Variants in TTBK1 observed in about 807,000 individuals in gnomAD.
TTBK1 encodes tau tubulin kinase 1.
TTBK1 carries 34 observed loss-of-function variants against 108.5 expected under a neutral mutation model. The ratio of observed to expected loss-of-function variants is 0.31; its 90% confidence interval spans 0.24 to 0.42. The LOEUF (loss-of-function observed/expected upper bound fraction) is 0.42. TTBK1 is among the 10% of genes least tolerant of loss of function. The probability of loss-of-function intolerance (pLI) is 1.00; values close to 1 mark genes in which losing one functional copy is unlikely to be tolerated. For synonymous variants in TTBK1, 809 were observed against 795.1 expected (o/e 1.02, Z -0.29); for missense variants, 1,539 against 1,826.0 (o/e 0.84, Z 2.86).
At chr6:43,252,687 A>T in intron 2 of TTBK1, 52 bp from the exon 3 acceptor site, 1 of 1,596,670 alleles carries the variant, frequency 6.3e-7, no homozygotes, top group African/African-American at 1.3e-5. Flanking sequence ...AGGTGGGATG[A>T]GGAGCTGTTC....
Position 43,285,230 on chromosome 6 carries a change from C to T in TTBK1, c.3820C>T (p.Arg1274Trp), listed in dbSNP as rs946486354. 5.4e-5 allele frequency: 70 copies of T among 1,303,560 alleles called. No homozygotes were observed. The Admixed American group carries it at 1.8e-3, about 33-fold the overall frequency. 80.7% of individuals were successfully genotyped at this position (1,303,560 alleles called of 1,614,324 possible). Residue 1274 changes from arginine (R) to tryptophan (W), a missense_variant, in exon 15 of 15, where the codon CGG (arginine) becomes TGG (tryptophan). By Grantham distance (101) the Arg-to-Trp change is moderately radical (BLOSUM62 -3). Coordinates refer to ENST00000259750, the MANE Select transcript of TTBK1 (RefSeq NM_032538.3). The surrounding 1 kb of genome is among the most constrained non-coding windows in gnomAD (Gnocchi z 4.7). ...HQARPGVPPP[R>W]GVPPARAQPD... ...GGCCCGGCCCGGGGTCCCCCCGCCC[C>T]GGGGCGTCCCGCCGGCCCGGGCCCA... is the stretch of plus-strand genomic sequence containing the variant.
chr6:43,283,752 A>G lies in TTBK1; in HGVS notation c.3012A>G (p.Glu1004=), dbSNP rs1778264719. 1 of 1,613,740 alleles carries G rather than the reference A, an allele frequency of 6.2e-7. No homozygotes were observed. Among genetic ancestry groups the G allele is most frequent in the South Asian group, 1.1e-5 (1 of 91,080 alleles). The change falls in exon 14 of 15, where the codon GAA becomes GAG. Residue 1004 remains glutamate (E), a synonymous_variant. Transcript: ENST00000259750. This position sits in a 1 kb window ranked among gnomAD's most constrained non-coding sequence, Gnocchi z 8.1. ...EGSALSGAPR[E]TPSEMATNSL... is the part of the protein sequence containing the mutation. Reference sequence around the variant, plus strand: ...CTGCCCTGTCTGGGGCCCCCCGGGAAACCCCCTCAGAGATGGCCACAAACT... The same window carrying G: ...CTGCCCTGTCTGGGGCCCCCCGGGAGACCCCCTCAGAGATGGCCACAAACT...
chr6:43,252,414 TCAGGAGTTTGAGAC>T (rs987824983), intron 2 of TTBK1, among the ~76,000 whole-genome samples: 1 of 151,738 alleles, frequency 6.6e-6, no homozygotes, highest in Non-Finnish European at 1.5e-5. Context: ...TCACCTGAGG[TCAGGAGTTTGAGAC>T]CAGCCTGGCC....
intron 7 of TTBK1, 74 bp downstream of exon 7, chr6:43,255,188 A>C: frequency 4.1e-5 from 10 of 246,824 alleles, no homozygotes; most frequent in Admixed American, 6.1e-5. Context: ...GCTGCTGGGG[A>C]GGGGTGGGGA....
chr6:43,283,903 C>A lies in TTBK1; in HGVS notation c.3163C>A (p.Arg1055Ser), dbSNP rs1198200337. The A allele has an allele frequency of 1.2e-6, 2 of 1,612,334 alleles. No individual in the cohort carries two copies. Among genetic ancestry groups the A allele is most frequent in the Admixed American group, 1.7e-5 (1 of 59,970 alleles). ...HAMPGSRPRS[R>S]IPVLLSEEDT... is the part of the protein sequence containing the mutation. ...TATGCCAGGCTCTCGCCCCAGGAGC[C>A]GTATCCCTGTCCTGCTCTCTGAGGA... The change falls in exon 14 of 15, where the codon CGT becomes AGT. Residue 1055 changes from arginine to serine, a missense_variant. Arg to Ser is a moderately radical substitution (Grantham distance 110). Transcript: ENST00000259750. The surrounding 1 kb of genome is among the most constrained non-coding windows in gnomAD (Gnocchi z 8.1).
intron 13 of TTBK1, among the ~76,000 whole-genome samples, chr6:43,275,910 C>T (rs979757096): frequency 1.3e-5 from 2 of 152,154 alleles, no homozygotes; most frequent in South Asian, 4.1e-4. Flanking sequence ...GGCGGGGCTC[C>T]GGGCCCTCAG....
intron 13 of TTBK1, among the ~76,000 whole-genome samples, chr6:43,278,548 C>T (rs2150710589): frequency 6.6e-6 from 1 of 152,256 alleles, no homozygotes; most frequent in East Asian, 1.9e-4. Flanking sequence ...TAAAAAGCAA[C>T]TCTGGACAAT....
intron 13 of TTBK1, chr6:43,272,373 T>C (rs1239809200): frequency 2.0e-6 from 2 of 985,368 alleles, no homozygotes; most frequent in African/African-American, 3.5e-5. Context: ...TGGCACTGGC[T>C]TCAGCCTCAT....
chr6:43,270,421 GT>G lies in TTBK1; in HGVS notation c.1986+7072del, dbSNP rs1777800984. The G allele has an allele frequency of 1.8e-5, 13 of 737,960 alleles. No homozygotes were observed. In the South Asian group the frequency reaches 8.2e-4, roughly 47 times the overall value. The allele number at this position is 737,960 out of a possible 1,614,324, so 45.7% of individuals were successfully genotyped here. ...CCAAGACCCTCCTTGCATGGTGTGT[GT>G]GTGTGTGTGTGTGTGTGTGTGTGTG... is the stretch of plus-strand genomic sequence containing the variant. On this transcript the variant is annotated intron_variant, in intron 13 of 14. Transcript: ENST00000259750.
chr6:43,259,446 A>AT lies in TTBK1; in HGVS notation c.1249-84dup, dbSNP rs1777472491. 7 of 1,428,528 alleles carry AT rather than the reference A, an allele frequency of 4.9e-6. No individual in the cohort carries two copies. Among genetic ancestry groups the AT allele is most frequent in the Non-Finnish European group, 6.6e-6 (7 of 1,067,434 alleles). The allele number at this position is 1,428,528 out of a possible 1,614,324, so 88.5% of individuals were successfully genotyped here. On this transcript the variant is annotated intron_variant, in intron 11 of 14. Transcript: ENST00000259750. This position sits in a 1 kb window ranked among gnomAD's most constrained non-coding sequence, Gnocchi z 6.7. ...CCTCGCTGTGTCTTCCATCATCATCATCCTCTGTCTCCTTCACCCTGAGGA... is the reference window on the plus strand; with the variant it reads ...CCTCGCTGTGTCTTCCATCATCATCATTCCTCTGTCTCCTTCACCCTGAGGA...
rs749716517 is a variant in TTBK1 at position 43,283,617 on chromosome 6, G to C, written c.2877G>C (p.Glu959Asp). The change falls in exon 14 of 15, where the codon GAG becomes GAC. Residue 959 changes from glutamate to aspartate, a missense_variant. Glu to Asp is a conservative substitution (Grantham distance 45, BLOSUM62 2). Coordinates refer to ENST00000259750, the MANE Select transcript of TTBK1 (RefSeq NM_032538.3). The surrounding 1 kb of genome is among the most constrained non-coding windows in gnomAD (Gnocchi z 8.1). ...LRSEEFSAGG[E>D]LGLELASDGG... ...CTGAGGAGTTCAGCGCTGGGGGCGA[G>C]CTGGGTCTGGAGCTGGCCTCTGATG... 1.2e-6 allele frequency: 2 copies of C among 1,614,018 alleles called. No homozygotes were observed. The highest frequency in any genetic ancestry group is 4.5e-5 in the East Asian group (2 of 44,896).
chr6:43,252,846 G>A lies in TTBK1; in HGVS notation c.216G>A (p.Gln72=), dbSNP rs1178633554. 1.2e-6 allele frequency: 2 copies of A among 1,613,886 alleles called. No individual in the cohort carries two copies. The highest frequency in any genetic ancestry group is 2.2e-5 in the East Asian group (1 of 44,884). The change falls in exon 3 of 15, where the codon CAG becomes CAA. Residue 72 remains glutamine, a synonymous_variant. Coordinates refer to ENST00000259750, the MANE Select transcript of TTBK1 (RefSeq NM_032538.3). ...LKVESAQQPK[Q]VLKMEVAVLK... is the part of the protein sequence containing the mutation. ...TGGAGTCAGCCCAGCAGCCCAAGCA[G>A]GTCCTCAAGATGGAGGTGGCCGTGC...
intron 13 of TTBK1, chr6:43,270,037 A>G (rs1346536924): frequency 3.0e-5 from 42 of 1,421,608 alleles, no homozygotes; most frequent in Non-Finnish European, 3.5e-5. Flanking sequence ...GGACGCAATA[A>G]TCACACACTC....
In TTBK1 at chr6:43,259,769, C is replaced by A; in HGVS notation, c.1424+63C>A. On this transcript the variant is annotated intron_variant, in intron 12 of 14. Transcript: ENST00000259750. The surrounding 1 kb of genome is among the most constrained non-coding windows in gnomAD (Gnocchi z 6.7). ...CCCTCTCCGCCTTCACGTGGCTGGT[C>A]TGGAGGAAAAGTTAGATGTGTGGCG... 1 of 1,444,484 alleles carries A rather than the reference C, an allele frequency of 6.9e-7. No homozygotes were observed. The highest frequency in any genetic ancestry group is 1.5e-5 in the South Asian group (1 of 68,784). 89.5% of individuals were successfully genotyped at this position (1,444,484 alleles called of 1,614,324 possible).
chr6:43,253,236 T>G lies in TTBK1; in HGVS notation c.257-55T>G. On this transcript the variant is annotated intron_variant, in intron 3 of 14. Coordinates refer to ENST00000259750, the MANE Select transcript of TTBK1 (RefSeq NM_032538.3). The surrounding 1 kb of genome is among the most constrained non-coding windows in gnomAD (Gnocchi z 5.8). ...AGTGCACTAGGAACCCATCTTAGGG[T>G]TGGAAATGAGGAAGAAAGAGTAAGA... 6.3e-7 allele frequency: 1 copy of G among 1,591,792 alleles called. No homozygotes were observed. Among genetic ancestry groups the G allele is most frequent in the Non-Finnish European group, 8.6e-7 (1 of 1,160,288 alleles).
intron 2 of TTBK1, among the ~76,000 whole-genome samples, chr6:43,248,520 C>T (rs1216320187): frequency 6.6e-6 from 1 of 152,112 alleles, no homozygotes; most frequent in Admixed American, 6.5e-5. Flanking sequence ...GTCACGAGTT[C>T]GAGACCAGGC....
intron 13 of TTBK1, chr6:43,271,441 CAT>C: frequency 1.0e-6 from 1 of 985,432 alleles, no homozygotes; most frequent in Non-Finnish European, 1.2e-6. Context: ...TGTGTATGCA[CAT>C]GTGTGTTAGG....
chr6:43,247,799 A>G (rs1223044257), intron 2 of TTBK1, among the ~76,000 whole-genome samples: 1 of 152,102 alleles, frequency 6.6e-6, no homozygotes, highest in African/African-American at 2.4e-5. Context: ...TCCCCTAGAA[A>G]CCTAGAAAGA....
intron 13 of TTBK1, chr6:43,271,477 T>C (rs1395250136): frequency 1.0e-6 from 1 of 985,280 alleles, no homozygotes; most frequent in Non-Finnish European, 1.2e-6. Flanking sequence ...GTCTATGCAG[T>C]CATTGGTAGT....
Sources: allele counts gnomAD v4.1 joint callset (sites outside exome capture counted in the v4.1 genomes callset), GRCh38; gene constraint gnomAD v4.1.1; non-coding constraint Gnocchi (gnomAD v3.1); transcripts MANE v1.5; gene names NCBI Gene and HGNC (gene_info 2026-07-23, HGNC 2026-07-21).